The following GPC5 variants were observed in gnomAD, a reference collection of about 807,000 sequenced individuals.
GPC5 encodes glypican 5.
A neutral mutation model predicts 53.9 loss-of-function variants in GPC5; 47 were observed. The ratio of observed to expected loss-of-function variants is 0.87; its 90% CI spans 0.69 to 1.11. GPC5 has a LOEUF of 1.11. Ranked by LOEUF, GPC5 falls within the 50% of genes most tolerant of loss-of-function variation. The pLI is 0.00. For missense variants in GPC5, 748 were observed against 713.1 expected (o/e 1.05, Z -0.56); for synonymous variants, 286 against 263.3 (o/e 1.09, Z -0.84).
intron 5 of GPC5, among the ~76,000 whole-genome samples, chr13:91,850,853 A>AT (rs917061754): frequency 1.9e-4 from 29 of 152,064 alleles, no homozygotes; most frequent in Admixed American, 1.5e-3. Context: ...CCTGGTATTT[A>AT]TTTTTGTTTG....
intron 2 of GPC5, among the ~76,000 whole-genome samples, chr13:91,563,146 G>T (rs555681894): frequency 4.0e-5 from 6 of 151,852 alleles, no homozygotes; most frequent in Admixed American, 3.9e-4. Context: ...GCTAAAAATC[G>T]CAAGTAACAA....
intron 4 of GPC5, among the ~76,000 whole-genome samples, chr13:91,733,062 T>G (rs1171935224): frequency 6.6e-6 from 1 of 152,220 alleles, no homozygotes; most frequent in Admixed American, 6.5e-5. Flanking sequence ...GTGAAGAATG[T>G]CAATGGTAGT....
At chr13:92,318,838 A>G (rs1022255367) in intron 7 of GPC5, among the ~76,000 whole-genome samples, 1 of 152,142 alleles carries the variant, frequency 6.6e-6, no homozygotes. Flanking sequence ...AAATATTTGA[A>G]TAGAGGGTAG....
chr13:92,756,181 C>T (rs1874861353), intron 7 of GPC5, among the ~76,000 whole-genome samples: 1 of 151,878 alleles, frequency 6.6e-6, no homozygotes, highest in Non-Finnish European at 1.5e-5. Flanking sequence ...TCATTATATG[C>T]AAATCAATAA....
chr13:92,655,329 ATTTTATT>A (rs758483241), intron 7 of GPC5, among the ~76,000 whole-genome samples: 5 of 139,190 alleles, frequency 3.6e-5, no homozygotes, highest in Admixed American at 7.2e-5. Flanking sequence ...TTATTTATTT[ATTTTATT>A]TTTATTTTAT....
At chr13:91,581,655 C>A (rs2032364963) in intron 2 of GPC5, among the ~76,000 whole-genome samples, 1 of 152,130 alleles carries the variant, frequency 6.6e-6, no homozygotes, top group African/African-American at 2.4e-5. Context: ...TAATTTCAAT[C>A]CTGCACAATT....
At chr13:91,860,788 C>T (rs1023480817) in intron 5 of GPC5, among the ~76,000 whole-genome samples, 3 of 152,124 alleles carry the variant, frequency 2.0e-5, no homozygotes, top group Admixed American at 6.5e-5. Flanking sequence ...AGGCATGAGC[C>T]GCCGTGCCCG....
At chr13:92,446,637 A>G (rs1047972587) in intron 7 of GPC5, 1 of 152,092 alleles carries the variant, frequency 6.6e-6, no homozygotes, top group African/African-American at 2.4e-5. Context: ...TTTCTTTTGC[A>G]TGTATACCTA....
chr13:91,655,127 A>C (rs192818516), intron 2 of GPC5, among the ~76,000 whole-genome samples: 156 of 152,286 alleles, frequency 1.0e-3, no homozygotes, highest in African/African-American at 3.0e-3. Context: ...CAATTTTTAC[A>C]TATAGATTTA....
chr13:91,648,904 G>A (rs768081014), intron 2 of GPC5, among the ~76,000 whole-genome samples: 3 of 152,032 alleles, frequency 2.0e-5, no homozygotes, highest in Non-Finnish European at 4.4e-5. Context: ...TCTGAATATG[G>A]GATGGCTGTG....
intron 5 of GPC5, among the ~76,000 whole-genome samples, chr13:91,887,197 C>A (rs1398504095): frequency 6.6e-6 from 1 of 152,146 alleles, no homozygotes; most frequent in African/African-American, 2.4e-5. Flanking sequence ...GTGGAAACTG[C>A]CAAGGCTTGA....
rs570509057 is a variant in GPC5, at chr13:92,798,280, T to C, written c.1562-68002T>C. On this transcript the variant is annotated intron_variant, in intron 7 of 7. Transcript: ENST00000377067. Reference sequence around the variant, plus strand: ...AATGTTTGTTTATGGATATTTGTTATGCAGCACAAGATGATATACACTCAG... The same window carrying C: ...AATGTTTGTTTATGGATATTTGTTACGCAGCACAAGATGATATACACTCAG... 3.0e-3 allele frequency among the ~76,000 whole-genome samples: 458 copies of C among 152,032 alleles called. 3 individuals are homozygous for C. Among genetic ancestry groups the C allele is most frequent in the Non-Finnish European group, 5.2e-3 (355 of 67,912 alleles).
chr13:92,858,578 T>A (rs73630982), intron 7 of GPC5, among the ~76,000 whole-genome samples: 5 of 152,114 alleles, frequency 3.3e-5, no homozygotes. Flanking sequence ...AAATATCACA[T>A]GTTCTTAGTT....
At chr13:92,659,584 A>T (rs1886269262) in intron 7 of GPC5, among the ~76,000 whole-genome samples, 5 of 152,122 alleles carry the variant, frequency 3.3e-5, no homozygotes, top group Non-Finnish European at 1.5e-5. Context: ...GTGTAACCAT[A>T]TTCATCCATT....
chr13:92,414,368 G>C (rs1876186056), intron 7 of GPC5, among the ~76,000 whole-genome samples: 1 of 151,912 alleles, frequency 6.6e-6, no homozygotes, highest in Admixed American at 6.6e-5. Context: ...AGCTGGGCGT[G>C]GTAGTGCATG....
intron 7 of GPC5, among the ~76,000 whole-genome samples, chr13:92,731,858 T>C (rs1323125670): frequency 1.3e-5 from 2 of 151,514 alleles, no homozygotes; most frequent in Admixed American, 6.6e-5. Context: ...GTTGGAATCA[T>C]AGCATTCATA....
intron 6 of GPC5, among the ~76,000 whole-genome samples, chr13:91,944,019 A>G (rs183829711): frequency 9.4e-4 from 143 of 151,726 alleles, no homozygotes; most frequent in Admixed American, 4.1e-3. Context: ...ACTCTATGCT[A>G]TTTTTACTTT....
chr13:92,539,479 G>A (rs577004179), intron 7 of GPC5, among the ~76,000 whole-genome samples: 2 of 152,064 alleles, frequency 1.3e-5, no homozygotes, highest in East Asian at 3.9e-4. Context: ...TTTGAAAAGT[G>A]TCTGTTCATA....
intron 7 of GPC5, among the ~76,000 whole-genome samples, chr13:92,233,843 G>T (rs912837563): frequency 2.7e-5 from 4 of 150,528 alleles, no homozygotes; most frequent in African/African-American, 7.3e-5. Context: ...GGTGTGTGAT[G>T]TTCCCCTTCC....
Sources: allele counts gnomAD v4.1 joint callset (sites outside exome capture counted in the v4.1 genomes callset), GRCh38; gene constraint gnomAD v4.1.1; transcripts MANE v1.5; gene names NCBI Gene and HGNC (gene_info 2026-07-23, HGNC 2026-07-21).